The following DOCK11 variants were observed in gnomAD, a reference collection of about 807,000 sequenced individuals.
DOCK11 encodes dedicator of cytokinesis protein 11.
Under a neutral mutation model 169.1 loss-of-function variants are expected in DOCK11, and 70 were observed. The ratio of observed to expected loss-of-function variants is 0.41; its 90% CI spans 0.34 to 0.51. DOCK11 has a LOEUF of 0.51. Ranked by LOEUF, DOCK11 falls within the 20% of genes least tolerant of loss-of-function variation. The pLI is 0.10. For missense variants in DOCK11, 1,166 were observed against 1,538.8 expected (o/e 0.76, Z 4.05); for synonymous variants, 529 against 541.3 (o/e 0.98, Z 0.32).
intron 10 of DOCK11, chrX:118,569,495 C>T (rs1165603327): frequency 1.8e-5 from 2 of 111,179 alleles, no homozygotes; most frequent in East Asian, 2.8e-4. Context: ...ATTGAGATAA[C>T]TCACTACCTT....
intron 10 of DOCK11, among the ~76,000 whole-genome samples, chrX:118,568,965 G>T (rs111835494): frequency 9.1e-6 from 1 of 110,114 alleles, no homozygotes; most frequent in African/African-American, 3.3e-5. Context: ...GTTTGAAATC[G>T]GAAAATGTGC....
At chrX:118,548,632 C>T (rs959785838) in intron 6 of DOCK11, among the ~76,000 whole-genome samples, 1 of 111,167 alleles carries the variant, frequency 9.0e-6, no homozygotes, top group Non-Finnish European at 1.9e-5. Context: ...AAAAGACTCA[C>T]AGGCCGAGAA....
At chrX:118,601,081 A>G (rs2014322416) in intron 23 of DOCK11, among the ~76,000 whole-genome samples, 1 of 111,139 alleles carries the variant, frequency 9.0e-6, no homozygotes, top group African/African-American at 3.3e-5. Flanking sequence ...TAGAAGGGAG[A>G]CAGTCAATAA....
At chrX:118,642,152 C>T (rs758582804) in intron 39 of DOCK11, among the ~76,000 whole-genome samples, 6 of 111,971 alleles carry the variant, frequency 5.4e-5, no homozygotes, top group Non-Finnish European at 9.4e-5. Context: ...CATGTTTCAT[C>T]GTGCCAATAA....
intron 44 of DOCK11, among the ~76,000 whole-genome samples, chrX:118,662,197 A>G (rs746770413): frequency 3.6e-5 from 4 of 111,204 alleles, no homozygotes; most frequent in Non-Finnish European, 7.5e-5. Flanking sequence ...CATCCCTGCC[A>G]TCTGTTTTAT....
At chrX:118,545,782 A>G (rs1337037828) in intron 5 of DOCK11, among the ~76,000 whole-genome samples, 1 of 111,788 alleles carries the variant, frequency 8.9e-6, no homozygotes, top group Non-Finnish European at 1.9e-5. Context: ...GACTGTTTAC[A>G]TAATGCAGAA....
rs767602671 is a variant in DOCK11 at position 118,683,163 on chromosome X, A to G, written c.6048A>G (p.Leu2016=). The G allele has an allele frequency of 8.3e-7, 1 of 1,211,337 alleles. No homozygotes were observed. The highest frequency in any genetic ancestry group is 3.0e-5 in the East Asian group (1 of 33,825). ...ATCAAGTTGAGTACCATGAAGGGCT[A>G]AAGTCAAATTTCAGAGACATGGTAA... The part of the protein sequence containing the change: ...KEDQVEYHEG[L]KSNFRDMVKE... The change falls in exon 52 of 53, where the codon CTA becomes CTG. Residue 2016 remains leucine, a synonymous_variant. Coordinates refer to ENST00000276202, the MANE Select transcript of DOCK11 (RefSeq NM_144658.4).
intron 28 of DOCK11, among the ~76,000 whole-genome samples, chrX:118,612,624 GA>G (rs1405595933): frequency 8.9e-6 from 1 of 111,784 alleles, no homozygotes; most frequent in Non-Finnish European, 1.9e-5. Context: ...AAATACTATA[GA>G]AAAACTAGAA....
intron 40 of DOCK11, among the ~76,000 whole-genome samples, chrX:118,647,520 TATATA>T (rs201186327): frequency 0.21 from 15,347 of 73,247 alleles, 1,744 homozygotes; most frequent in African/African-American, 0.37. Flanking sequence ...AATAATATAA[TATATA>T]ATATAATATT....
chrX:118,621,553 A>T (rs2014972604), intron 31 of DOCK11, among the ~76,000 whole-genome samples: 1 of 111,036 alleles, frequency 9.0e-6, no homozygotes, highest in African/African-American at 3.3e-5. Context: ...GCCAATTGCC[A>T]CTCCTAAGCC....
At position 118,542,988 on chromosome X, in the gene DOCK11, G is replaced by T. The variant is rs1186302185; in HGVS notation, c.282G>T (p.Lys94Asn). 8.3e-7 allele frequency: 1 copy of T among 1,210,406 alleles called. No homozygotes were observed. The highest frequency in any genetic ancestry group is 1.1e-6 in the Non-Finnish European group (1 of 894,901). The part of the protein sequence containing the change: ...VQSTVPEDAE[K>N]RAQSLFVKEC... The stretch of plus-strand genomic sequence containing the variant: ...CTACTGTACCAGAAGATGCTGAAAA[G>T]AGGGCCCAGAGTTTATTTGTTAAAG... The change falls in exon 3 of 53, where the codon AAG becomes AAT. Residue 94 changes from lysine (K) to asparagine (N), a missense_variant. Transcript: ENST00000276202.
At chrX:118,599,310 A>G in intron 23 of DOCK11, 82 bp downstream of exon 23, 1 of 714,053 alleles carries the variant, frequency 1.4e-6, no homozygotes, top group East Asian at 3.4e-5. Flanking sequence ...AAAAAAAGCA[A>G]ACAGACAGTT....
intron 1 of DOCK11, among the ~76,000 whole-genome samples, chrX:118,522,622 C>G (rs1297074532): frequency 8.9e-6 from 1 of 111,804 alleles, no homozygotes. Flanking sequence ...GCTGTCACCT[C>G]CTAGAGGACA....
intron 1 of DOCK11, among the ~76,000 whole-genome samples, chrX:118,539,605 G>T (rs757577362): frequency 1.8e-5 from 2 of 111,644 alleles, no homozygotes; most frequent in East Asian, 5.6e-4. Context: ...CACAAGAAAT[G>T]TTAAATATTT....
At position 118,610,325 on chromosome X, in the gene DOCK11, G is replaced by A; in HGVS notation, c.3003G>A (p.Leu1001=). 8.3e-7 allele frequency: 1 copy of A among 1,210,876 alleles called. No individual in the cohort carries two copies. The highest frequency in any genetic ancestry group is 2.2e-5 in the Admixed American group (1 of 45,976). ...PETYHHVLHS[L]LLAIIPHVTI... ...CATATCATCATGTCTTACATTCACTGCTTCTTGCAATAATTCCCCATGTGA... is the reference window on the plus strand; with the variant it reads ...CATATCATCATGTCTTACATTCACTACTTCTTGCAATAATTCCCCATGTGA... Residue 1001 remains leucine, a synonymous_variant, in exon 28 of 53, where the codon CTG becomes CTA. Transcript: ENST00000276202.
intron 31 of DOCK11, among the ~76,000 whole-genome samples, chrX:118,620,183 T>C (rs760535478): frequency 5.4e-5 from 6 of 111,776 alleles, no homozygotes; most frequent in Non-Finnish European, 1.1e-4. Context: ...CTTGAAAAAG[T>C]AGAGTGCAAA....
chrX:118,552,031 C>A, intron 6 of DOCK11, among the ~76,000 whole-genome samples: 2 of 34,955 alleles, frequency 5.7e-5, no homozygotes, highest in Non-Finnish European at 4.6e-5. Flanking sequence ...GAGCGACACT[C>A]TGTCTCAAAA....
At chrX:118,677,669 A>G (rs2016642498) in intron 48 of DOCK11, among the ~76,000 whole-genome samples, 1 of 112,712 alleles carries the variant, frequency 8.9e-6, no homozygotes, top group African/African-American at 3.2e-5. Context: ...ACTTACATAT[A>G]TCTCTTGGAG....
intron 4 of DOCK11, among the ~76,000 whole-genome samples, chrX:118,543,950 AAAAC>A (rs2012141866): frequency 1.8e-5 from 2 of 112,198 alleles, no homozygotes; most frequent in East Asian, 2.8e-4. Flanking sequence ...ACTCCATCTC[AAAAC>A]AAACAAACAC....
Sources: allele counts gnomAD v4.1 joint callset (sites outside exome capture counted in the v4.1 genomes callset), GRCh38; gene constraint gnomAD v4.1.1; transcripts MANE v1.5; gene names NCBI Gene and HGNC (gene_info 2026-07-23, HGNC 2026-07-21).